The following MEX3D variants were observed in gnomAD, a reference collection of about 807,000 sequenced individuals.
The protein encoded by MEX3D is RNA-binding protein MEX3D.
A neutral mutation model predicts 6.3 loss-of-function variants in MEX3D; 4 were observed. The observed-to-expected ratio is 0.64, with a 90% CI of 0.31 to 1.46. The LOEUF is 1.46. Among genes scored for constraint, MEX3D ranks in the 40% most tolerant of loss-of-function variants. The pLI, the probability that MEX3D is intolerant of heterozygous loss-of-function variation, is 0.07. For missense variants in MEX3D, 1,038 were observed against 994.4 expected, an observed-to-expected ratio of 1.04 and a Z score of -0.59; for synonymous variants, 626 against 494.1, an observed-to-expected ratio of 1.27 and a Z score of -3.54.
chr19:1,568,198 G>T lies in MEX3D; in HGVS notation c.-140C>A. 2.2e-6 allele frequency: 1 copy of T among 459,988 alleles called. No homozygotes were observed. The highest frequency in any genetic ancestry group is 2.8e-6 in the Non-Finnish European group (1 of 360,338). The allele number at this position is 459,988 out of a possible 1,614,324, so 28.5% of individuals were successfully genotyped here. A position where few individuals can be genotyped will look rare whatever the true frequency, so the allele number is the denominator to read the frequency against. ...CGGGCACGGGGGGCCGGGCGGGCGG[G>T]GCGGCGGCGGCGCGGGGCTGCTCGG... On this transcript the variant is annotated 5_prime_UTR_variant, in exon 1 of 2. Coordinates refer to ENST00000402693, the MANE Select transcript of MEX3D (RefSeq NM_203304.4).
In MEX3D at chr19:1,559,562, G is replaced by T. The variant is rs977281123; in HGVS notation, c.596-2639C>A. Among the ~76,000 whole-genome samples the T allele has an allele frequency of 3.3e-5, 5 of 152,322 alleles. No individual in the cohort carries two copies. The East Asian group carries it at 9.7e-4, about 29-fold the overall frequency. On this transcript the variant is annotated intron_variant, in intron 1 of 1. Transcript: ENST00000402693. ...ATGACAGGTGTGGGCCACTGCGCCC[G>T]GCCCGTGAAGGAGTTTTGAGCCACT...
chr19:1,562,981 G>A (rs1355824893), intron 1 of MEX3D, among the ~76,000 whole-genome samples: 1 of 152,160 alleles, frequency 6.6e-6, no homozygotes, highest in Admixed American at 6.6e-5. Flanking sequence ...CTGAGCCACT[G>A]TACTCCAGCC....
In MEX3D at chr19:1,556,586, C is replaced by A; in HGVS notation, c.933G>T (p.Gly311=). The A allele has an allele frequency of 1.9e-6, 3 of 1,609,382 alleles. No individual in the cohort carries two copies. The highest frequency in any genetic ancestry group is 2.5e-6 in the Non-Finnish European group (3 of 1,178,788). ...CCGCGAACACCGGCTCCTTGTCGCG[C>A]CCGGGCGTCACGATGTAGGTGTGCG... The part of the protein sequence containing the change: ...QRTHTYIVTP[G]RDKEPVFAVT... The change falls in exon 2 of 2, where the codon GGG becomes GGT. Residue 311 remains glycine (G), a synonymous_variant. Transcript: ENST00000402693. This position sits in a 1 kb window ranked among gnomAD's most constrained non-coding sequence, Gnocchi z 7.5.
chr19:1,559,786 A>G lies in MEX3D; in HGVS notation c.596-2863T>C, dbSNP rs567869142. On this transcript the variant is annotated intron_variant, in intron 1 of 1. Transcript: ENST00000402693. ...GGAAGATGGAAGGCGTGGGACCTGG[A>G]GGCTGGTGGTCCCAGGGGCTCGGTA... Among the ~76,000 whole-genome samples the G allele has an allele frequency of 7.4e-4, 113 of 152,280 alleles. 1 individual carries two copies. The highest frequency in any genetic ancestry group is 2.7e-3 in the African/African-American group (111 of 41,554).
chr19:1,557,547 C>A (rs1273176232), intron 1 of MEX3D, among the ~76,000 whole-genome samples: 1 of 134,424 alleles, frequency 7.4e-6, no homozygotes, highest in Admixed American at 8.0e-5. Flanking sequence ...GCCTGGACGA[C>A]AAAGCAAGAC....
At chr19:1,561,524 A>C (rs934535007) in intron 1 of MEX3D, among the ~76,000 whole-genome samples, 2 of 152,256 alleles carry the variant, frequency 1.3e-5, no homozygotes, top group African/African-American at 2.4e-5. Flanking sequence ...TTCAGCTGTC[A>C]AACAGGGATG....
Position 1,555,761 on chromosome 19 carries a change from C to G in MEX3D, c.1758G>C (p.Lys586Asn). ...CCGGGGCCGAGGACGCCGAAGGGGGCTTGCGGCTGTTCTCGGAGGCGCCGG... is the reference window on the plus strand; with the variant it reads ...CCGGGGCCGAGGACGCCGAAGGGGGGTTGCGGCTGTTCTCGGAGGCGCCGG... Reference protein sequence around the residue: ...LDSGASENSRKPPSASSAPAL... With the variant: ...LDSGASENSRNPPSASSAPAL... The change falls in exon 2 of 2, where the codon AAG becomes AAC. Residue 586 changes from lysine to asparagine, a missense_variant. Physicochemically the swap from Lys to Asn is moderately conservative, Grantham distance 94 (BLOSUM62 0). Around this residue, in one of 5 missense-constraint regions of MEX3D, gnomAD observed 581 missense variants for 516.2 expected, o/e 1.13. Coordinates refer to ENST00000402693, the MANE Select transcript of MEX3D (RefSeq NM_203304.4). The G allele has an allele frequency of 6.7e-7, 1 of 1,493,494 alleles. No individual in the cohort carries two copies. Among genetic ancestry groups the G allele is most frequent in the Non-Finnish European group, 8.9e-7 (1 of 1,127,918 alleles). The allele number at this position is 1,493,494 out of a possible 1,614,324, so 92.5% of individuals were successfully genotyped here.
In MEX3D at chr19:1,555,747, G is replaced by A. The variant is rs1914518217; in HGVS notation, c.1772C>T (p.Ser591Phe). ...SENSRKPPSA[S>F]SAPALARECV... is the part of the protein sequence containing the mutation. Reference sequence around the variant, plus strand: ...CTCTCGCGCCAGGGCCGGGGCCGAGGACGCCGAAGGGGGCTTGCGGCTGTT... The same window carrying A: ...CTCTCGCGCCAGGGCCGGGGCCGAGAACGCCGAAGGGGGCTTGCGGCTGTT... Residue 591 changes from serine (S) to phenylalanine (F), a missense_variant, in exon 2 of 2, where the codon TCC becomes TTC. Physicochemically the swap from Ser to Phe is radical, Grantham distance 155. Coordinates refer to ENST00000402693, the MANE Select transcript of MEX3D (RefSeq NM_203304.4). 4.6e-6 allele frequency: 7 copies of A among 1,510,770 alleles called. No homozygotes were observed. Among genetic ancestry groups the A allele is most frequent in the Non-Finnish European group, 6.2e-6 (7 of 1,136,416 alleles). 93.6% of individuals were successfully genotyped at this position (1,510,770 alleles called of 1,614,324 possible).
rs1244744318 is a variant in MEX3D, at chr19:1,554,912, G to C, written c.*651C>G. On this transcript the variant is annotated 3_prime_UTR_variant, in exon 2 of 2. Coordinates refer to ENST00000402693, the MANE Select transcript of MEX3D (RefSeq NM_203304.4). ...TATACACAAGAGGTAAAAAGTAAAA[G>C]TAAAAAAAAAAAAAAATTAAAAAAA... 1.3e-4 allele frequency: 2 copies of C among 14,964 alleles called. No homozygotes were observed. Among genetic ancestry groups the C allele is most frequent in the Non-Finnish European group, 2.8e-4 (2 of 7,040 alleles). The allele number at this position is 14,964 out of a possible 1,614,324, so 0.9% of individuals were successfully genotyped here.
chr19:1,560,363 C>A (rs1179128729), intron 1 of MEX3D, among the ~76,000 whole-genome samples: 1 of 152,254 alleles, frequency 6.6e-6, no homozygotes, highest in African/African-American at 2.4e-5. Flanking sequence ...GCTCCGCTGG[C>A]CCTGCCCACA....
intron 1 of MEX3D, among the ~76,000 whole-genome samples, chr19:1,561,677 G>C (rs954928753): frequency 1.3e-5 from 2 of 151,800 alleles, no homozygotes; most frequent in Admixed American, 1.3e-4. Flanking sequence ...TCTCTATAAA[G>C]GGTGTCACCT....
At chr19:1,564,279 T>A (rs1317114716) in intron 1 of MEX3D, among the ~76,000 whole-genome samples, 6 of 151,558 alleles carry the variant, frequency 4.0e-5, no homozygotes, top group Non-Finnish European at 8.8e-5. Flanking sequence ...ACACCTGTAG[T>A]CCCAGCACTC....
At chr19:1,559,298 AT>A (rs565139525) in intron 1 of MEX3D, among the ~76,000 whole-genome samples, 1 of 151,804 alleles carries the variant, frequency 6.6e-6, no homozygotes, top group African/African-American at 2.4e-5. Flanking sequence ...CACCCAGCTA[AT>A]TTTTTTTATT....
In MEX3D at chr19:1,556,061, G is replaced by A. The variant is rs994603952; in HGVS notation, c.1458C>T (p.Ser486=). ...GGGCTCCGTTGACCGTGGAGCAGCC[G>A]CTGAAGGCGGGCAAGGGGGCGGCGC... ...FERAAPLPAF[S]GCSTVNGAPG... The change falls in exon 2 of 2, where the codon AGC becomes AGT. Residue 486 remains serine (S), a synonymous_variant. Coordinates refer to ENST00000402693, the MANE Select transcript of MEX3D (RefSeq NM_203304.4). This position sits in a 1 kb window ranked among gnomAD's most constrained non-coding sequence, Gnocchi z 7.5. The A allele has an allele frequency of 1.0e-5, 14 of 1,387,668 alleles. No individual in the cohort carries two copies. The highest frequency in any genetic ancestry group is 3.5e-5 in the East Asian group (1 of 28,396). 86.0% of individuals were successfully genotyped at this position (1,387,668 alleles called of 1,614,324 possible).
intron 1 of MEX3D, among the ~76,000 whole-genome samples, chr19:1,565,811 T>C (rs919097347): frequency 6.6e-6 from 1 of 152,214 alleles, no homozygotes; most frequent in African/African-American, 2.4e-5. Flanking sequence ...CCATTTCCCA[T>C]GGACCTGCCC....
chr19:1,557,469 G>C (rs1242414109), intron 1 of MEX3D, among the ~76,000 whole-genome samples: 4 of 151,392 alleles, frequency 2.6e-5, no homozygotes, highest in Non-Finnish European at 2.9e-5. Flanking sequence ...GGGAGGCTGA[G>C]GCAGGAGAAT....
At position 1,557,000 on chromosome 19, in the gene MEX3D, C is replaced by A; in HGVS notation, c.596-77G>T. The A allele has an allele frequency of 6.7e-7, 1 of 1,496,780 alleles. No homozygotes were observed. Among genetic ancestry groups the A allele is most frequent in the South Asian group, 1.3e-5 (1 of 75,546 alleles). 92.7% of individuals were successfully genotyped at this position (1,496,780 alleles called of 1,614,324 possible). ...TCAGCCCCGCTGGGCATGCAGGCTG[C>A]AGGGCCAGTGAGGGAGCCCCTACCT... On this transcript the variant is annotated intron_variant, in intron 1 of 1. Coordinates refer to ENST00000402693, the MANE Select transcript of MEX3D (RefSeq NM_203304.4). This position sits in a 1 kb window ranked among gnomAD's most constrained non-coding sequence, Gnocchi z 7.5.
Position 1,568,066 on chromosome 19 carries a change from G to A in MEX3D, c.-8C>T. 5.1e-6 allele frequency: 5 copies of A among 979,274 alleles called. No individual in the cohort carries two copies. Among genetic ancestry groups the A allele is most frequent in the Non-Finnish European group, 6.0e-6 (5 of 827,934 alleles). The allele number at this position is 979,274 out of a possible 1,614,324, so 60.7% of individuals were successfully genotyped here. On this transcript the variant is annotated 5_prime_UTR_variant, in exon 1 of 2. Transcript: ENST00000402693. ...GCCGAGCGAGCTGGGCATGGCGGGA[G>A]CTAGCGCTGGGGCCCGCGCTCCTGC... is the stretch of plus-strand genomic sequence containing the variant.
chr19:1,567,391 C>A lies in MEX3D; in HGVS notation c.595+73G>T. 1 of 1,444,398 alleles carries A rather than the reference C, an allele frequency of 6.9e-7. No homozygotes were observed. The highest frequency in any genetic ancestry group is 9.1e-7 in the Non-Finnish European group (1 of 1,101,264). The allele number at this position is 1,444,398 out of a possible 1,614,324, so 89.5% of individuals were successfully genotyped here. ...CGTCCGGCGCGGGCTGGGCTGGGCT[C>A]GGGCGACCCCCTTCCCCGGGGCGGA... is the stretch of plus-strand genomic sequence containing the variant. On this transcript the variant is annotated intron_variant, in intron 1 of 1. Coordinates refer to ENST00000402693, the MANE Select transcript of MEX3D (RefSeq NM_203304.4). The surrounding 1 kb of genome is among the most constrained non-coding windows in gnomAD (Gnocchi z 6.5).
Sources: gnomAD v4.1 joint callset for allele counts (sites outside exome capture counted in the v4.1 genomes callset) on GRCh38, gnomAD v4.1.1 for gene constraint, gnomAD v4.1.1 regional missense constraint, Gnocchi (gnomAD v3.1) non-coding constraint, MANE v1.5 for transcripts, NCBI Gene and HGNC (gene_info 2026-07-23, HGNC 2026-07-21) for gene names.